SUPT3H: variants seen among roughly 807,000 people sequenced by gnomAD.
The protein encoded by SUPT3H is transcription initiation protein SPT3 homolog.
A neutral mutation model predicts 44.3 loss-of-function variants in SUPT3H; 44 were observed. That is an observed-to-expected ratio of 0.99 (90% CI 0.78 to 1.28). The LOEUF (loss-of-function observed/expected upper bound fraction) is 1.28. Ranked by LOEUF, SUPT3H falls within the 50% of genes most tolerant of loss-of-function variation. The probability of loss-of-function intolerance (pLI) is 0.00; values close to 1 mark genes in which losing one functional copy is unlikely to be tolerated. For missense variants in SUPT3H, 380 were observed against 387.1 expected (o/e 0.98, Z 0.15); for synonymous variants, 124 against 125.6 (o/e 0.99, Z 0.09).
At chr6:45,273,123 T>C (rs995496140) in intron 2 of SUPT3H, among the ~76,000 whole-genome samples, 2 of 152,258 alleles carry the variant, frequency 1.3e-5, no homozygotes, top group African/African-American at 2.4e-5. Flanking sequence ...GTGGAAAGTT[T>C]GCTCAACTTT....
At chr6:44,903,641 A>C (rs1208588388) in intron 10 of SUPT3H, among the ~76,000 whole-genome samples, 1 of 152,230 alleles carries the variant, frequency 6.6e-6, no homozygotes, top group Non-Finnish European at 1.5e-5. Flanking sequence ...AAAGTATTCC[A>C]ATCAACAGAA....
In SUPT3H at chr6:44,838,746, T is replaced by C. The variant is rs375910941; in HGVS notation, c.913-8889A>G. On this transcript the variant is annotated intron_variant, in intron 10 of 10. Coordinates refer to ENST00000371459, the MANE Select transcript of SUPT3H (RefSeq NM_003599.4). ...TAGGGCCTGGCATAAACTCTTTATA[T>C]TAAATTAGAGTACTCTCTGTTGGCA... Among the ~76,000 whole-genome samples, 11 of 149,468 alleles carry C rather than the reference T, an allele frequency of 7.4e-5. No homozygotes were observed. The East Asian group carries it at 1.3e-3, about 18-fold the overall frequency.
intron 2 of SUPT3H, among the ~76,000 whole-genome samples, chr6:45,319,029 C>T (rs1785103021): frequency 6.6e-6 from 1 of 152,058 alleles, no homozygotes; most frequent in Non-Finnish European, 1.5e-5. Context: ...TTCCTCTTGT[C>T]AACTAGTTCA....
intron 2 of SUPT3H, among the ~76,000 whole-genome samples, chr6:45,240,674 A>G (rs1336820251): frequency 6.6e-6 from 1 of 152,228 alleles, no homozygotes. Context: ...TACACCTCTC[A>G]GTCTGCGTGC....
intron 3 of SUPT3H, among the ~76,000 whole-genome samples, chr6:45,040,575 G>A (rs1788375344): frequency 6.6e-6 from 1 of 152,118 alleles, no homozygotes; most frequent in Non-Finnish European, 1.5e-5. Flanking sequence ...TACCAACACA[G>A]AGTGGCTTTT....
chr6:45,031,709 T>C (rs1360851861), intron 3 of SUPT3H, among the ~76,000 whole-genome samples: 1 of 152,126 alleles, frequency 6.6e-6, no homozygotes, highest in Non-Finnish European at 1.5e-5. Flanking sequence ...GTTCCATAAT[T>C]AAGCACTTAC....
chr6:45,278,397 C>G (rs890167168), intron 2 of SUPT3H, among the ~76,000 whole-genome samples: 2 of 152,146 alleles, frequency 1.3e-5, no homozygotes, highest in Admixed American at 6.5e-5. Flanking sequence ...TAAGTATAAA[C>G]TGTTGCCTTT....
At chr6:45,375,690 T>C (rs1326887284) in intron 1 of SUPT3H, among the ~76,000 whole-genome samples, 2 of 152,178 alleles carry the variant, frequency 1.3e-5, no homozygotes, top group Non-Finnish European at 2.9e-5. Context: ...ATTACAAGCA[T>C]GAGCCAACGT....
chr6:45,105,319 T>G (rs1275808618), intron 3 of SUPT3H, among the ~76,000 whole-genome samples: 1 of 151,986 alleles, frequency 6.6e-6, no homozygotes, highest in Non-Finnish European at 1.5e-5. Context: ...GCTACATGAG[T>G]GAATTCCTCT....
intron 2 of SUPT3H, among the ~76,000 whole-genome samples, chr6:45,125,925 T>C (rs1017817034): frequency 1.3e-5 from 2 of 152,186 alleles, no homozygotes; most frequent in African/African-American, 2.4e-5. Context: ...TTTCAGTTAT[T>C]CGTATCCCAT....
At chr6:44,950,538 G>A (rs1322758717) in intron 9 of SUPT3H, among the ~76,000 whole-genome samples, 1 of 152,158 alleles carries the variant, frequency 6.6e-6, no homozygotes, top group Non-Finnish European at 1.5e-5. Flanking sequence ...CTTGAGTCCA[G>A]GAGATCAAGG....
At position 44,982,381 on chromosome 6, in the gene SUPT3H, G is replaced by A. The variant is rs144097712; in HGVS notation, c.505-20553C>T. Among the ~76,000 whole-genome samples, 1,318 of 152,142 alleles carry A rather than the reference G, an allele frequency of 8.7e-3. 28 individuals carry two copies. The highest frequency in any genetic ancestry group is 0.03 in the African/African-American group (1,249 of 41,502). On this transcript the variant is annotated intron_variant, in intron 6 of 10. Transcript: ENST00000371459. ...TGGGACTACAAGTGCCCGCCACCAC[G>A]TCTGGCTAATTTTTTGTATTTTTAG...
chr6:45,012,439 G>A lies in SUPT3H; in HGVS notation c.364+2362C>T, dbSNP rs527489153. Among the ~76,000 whole-genome samples, 21 of 151,720 alleles carry A rather than the reference G, an allele frequency of 1.4e-4. No individual in the cohort carries two copies. The South Asian group carries it at 3.5e-3, about 26-fold the overall frequency. On this transcript the variant is annotated intron_variant, in intron 5 of 10. Transcript: ENST00000371459. The stretch of plus-strand genomic sequence containing the variant: ...CTTCTGCCAGCTGAAAACAACTATT[G>A]AGCCCTTCTGAATTTTTTCATTTCA...
chr6:45,158,205 T>C (rs939356436), intron 2 of SUPT3H, among the ~76,000 whole-genome samples: 4 of 40,948 alleles, frequency 9.8e-5, no homozygotes, highest in East Asian at 9.0e-4. Flanking sequence ...ACCATAGAGA[T>C]AGATAGATAG....
At chr6:44,884,978 C>T (rs536287358) in intron 10 of SUPT3H, among the ~76,000 whole-genome samples, 5 of 152,282 alleles carry the variant, frequency 3.3e-5, no homozygotes, top group Admixed American at 6.5e-5. Flanking sequence ...GCACCTGGCT[C>T]GGAGGGTCCT....
At chr6:44,854,702 CATT>C (rs555783109) in intron 10 of SUPT3H, among the ~76,000 whole-genome samples, 221 of 152,220 alleles carry the variant, frequency 1.5e-3, no homozygotes, top group African/African-American at 5.0e-3. Flanking sequence ...ACCACAAACA[CATT>C]AAAGTAAAAA....
intron 5 of SUPT3H, among the ~76,000 whole-genome samples, chr6:45,008,293 C>CT (rs1340511029): frequency 6.6e-6 from 1 of 152,136 alleles, no homozygotes; most frequent in Non-Finnish European, 1.5e-5. Flanking sequence ...ATTTTATACT[C>CT]TAACAACTTA....
At chr6:45,273,963 T>C (rs1220272586) in intron 2 of SUPT3H, among the ~76,000 whole-genome samples, 1 of 152,226 alleles carries the variant, frequency 6.6e-6, no homozygotes, top group African/African-American at 2.4e-5. Context: ...TCTCTCCACA[T>C]CATCACATTT....
rs577914077 is a variant in SUPT3H, at chr6:45,125,264, T to C, written c.102-19258A>G. On this transcript the variant is annotated intron_variant, in intron 2 of 10. Transcript: ENST00000371459. Reference sequence around the variant, plus strand: ...CTATCACTATAGTAATCAAATAACATGTCATCATTTAATGAACAAAATTTT... The same window carrying C: ...CTATCACTATAGTAATCAAATAACACGTCATCATTTAATGAACAAAATTTT... 5.3e-5 allele frequency among the ~76,000 whole-genome samples: 8 copies of C among 152,346 alleles called. 1 individual carries two copies. The South Asian group carries it at 1.7e-3, about 32-fold the overall frequency.
Sources: gnomAD v4.1 joint callset for allele counts (sites outside exome capture counted in the v4.1 genomes callset) on GRCh38, gnomAD v4.1.1 for gene constraint, MANE v1.5 for transcripts, NCBI Gene and HGNC (gene_info 2026-07-23, HGNC 2026-07-21) for gene names.